NUBPL: variants seen among roughly 807,000 people sequenced by gnomAD.
NUBPL encodes the protein iron-sulfur cluster transfer protein NUBPL.
Under a neutral mutation model 45.7 loss-of-function variants are expected in NUBPL, and 31 were observed. The ratio of observed to expected loss-of-function variants is 0.68; its 90% confidence interval spans 0.51 to 0.92. The LOEUF is 0.92. Ranked by LOEUF, NUBPL falls within the 40% of genes least tolerant of loss-of-function variation. The pLI is 0.00. For missense variants in NUBPL, 401 were observed against 398.7 expected (o/e 1.01, Z -0.05); for synonymous variants, 144 against 140.9 (o/e 1.02, Z -0.15).
chr14:31,835,316 G>C (rs897442923), intron 8 of NUBPL, among the ~76,000 whole-genome samples: 2 of 152,114 alleles, frequency 1.3e-5, no homozygotes, highest in Non-Finnish European at 2.9e-5. Flanking sequence ...TCTCTATCTA[G>C]TTGTCATCTT....
chr14:31,702,162 A>C (rs1294787102), intron 6 of NUBPL, among the ~76,000 whole-genome samples: 1 of 152,184 alleles, frequency 6.6e-6, no homozygotes, highest in African/African-American at 2.4e-5. Flanking sequence ...CATAAGGTGG[A>C]GTCTGGGGAG....
chr14:31,760,605 A>C (rs997973802), intron 6 of NUBPL, among the ~76,000 whole-genome samples: 1 of 152,148 alleles, frequency 6.6e-6, no homozygotes, highest in Non-Finnish European at 1.5e-5. Context: ...TTCACTTAAC[A>C]TAATACCTTC....
chr14:31,622,347 C>T lies in NUBPL; in HGVS notation c.382+22968C>T, dbSNP rs150395431. Among the ~76,000 whole-genome samples, 569 of 152,144 alleles carry T rather than the reference C, an allele frequency of 3.7e-3. 18 individuals carry two copies. Among genetic ancestry groups the T allele is most frequent in the Admixed American group, 0.033 (499 of 15,276 alleles). ...TTGGAAATATTGCAGCCTGACCATACGGTAGGAAAGCAAAACTCGTTTTTT... is the reference window on the plus strand; with the variant it reads ...TTGGAAATATTGCAGCCTGACCATATGGTAGGAAAGCAAAACTCGTTTTTT... On this transcript the variant is annotated intron_variant, in intron 4 of 10. Transcript: ENST00000281081.
At chr14:31,760,144 T>TGTGTGAGAGAGAGAGAGAGAGA in intron 6 of NUBPL, among the ~76,000 whole-genome samples, 1 of 34,830 alleles carries the variant, frequency 2.9e-5, no homozygotes, top group African/African-American at 1.1e-4. Flanking sequence ...TGTGTGTGTG[T>TGTGTGAGAGAGAGAGAGAGAGA]GAGAGAGAGA....
chr14:31,583,345 G>A (rs1219381361), intron 3 of NUBPL, among the ~76,000 whole-genome samples: 1 of 152,160 alleles, frequency 6.6e-6, no homozygotes, highest in Non-Finnish European at 1.5e-5. Context: ...GTGGTTTTAT[G>A]ATTTAGAGGA....
At chr14:31,596,281 A>C (rs577807225) in intron 3 of NUBPL, among the ~76,000 whole-genome samples, 19 of 152,156 alleles carry the variant, frequency 1.2e-4, no homozygotes, top group Non-Finnish European at 2.5e-4. Context: ...GTCTGAAAAG[A>C]GTGCTTTTTA....
chr14:31,820,240 A>G (rs1006551483), intron 7 of NUBPL, among the ~76,000 whole-genome samples: 2 of 152,088 alleles, frequency 1.3e-5, no homozygotes, highest in African/African-American at 4.8e-5. Context: ...AATTTATTGC[A>G]AACTAAACTT....
At chr14:31,694,462 G>A (rs2037169314) in intron 6 of NUBPL, among the ~76,000 whole-genome samples, 1 of 152,134 alleles carries the variant, frequency 6.6e-6, no homozygotes, top group Admixed American at 6.5e-5. Context: ...ACTTATTGCT[G>A]TACTTTAAAA....
Position 31,688,592 on chromosome 14 carries a change from GA to G in NUBPL, c.513+15034del, listed in dbSNP as rs544662104. ...GAGACTCCATCTCAAAGAAAAAAAA[GA>G]AAAAAAAAAAAAAAAGAAAATCTTT... On this transcript the variant is annotated intron_variant, in intron 6 of 10. Transcript: ENST00000281081. 4.1e-3 allele frequency among the ~76,000 whole-genome samples: 311 copies of G among 75,698 alleles called. 3 individuals carry two copies. Among genetic ancestry groups the G allele is most frequent in the East Asian group, 0.015 (31 of 2,022 alleles). The allele number at this position is 75,698 out of a possible 152,430, so 49.7% of individuals were successfully genotyped here.
At chr14:31,708,704 C>T (rs2037505953) in intron 6 of NUBPL, among the ~76,000 whole-genome samples, 2 of 152,132 alleles carry the variant, frequency 1.3e-5, no homozygotes, top group South Asian at 2.1e-4. Context: ...AATTTCCTGG[C>T]CCTCAATGGT....
rs2040702180 is a variant in NUBPL at position 31,860,852 on chromosome 14, G to T, written c.*1672G>T. The T allele has an allele frequency of 6.6e-6, 1 of 152,148 alleles. No homozygotes were observed. The highest frequency in any genetic ancestry group is 2.1e-4 in the South Asian group (1 of 4,828). 9.4% of individuals were successfully genotyped at this position (152,148 alleles called of 1,614,324 possible). Reference sequence around the variant, plus strand: ...GTACAGGCAGCAACTTATAATTCCAGAGAATTATGCTGAATGAAAAAGGCC... The same window carrying T: ...GTACAGGCAGCAACTTATAATTCCATAGAATTATGCTGAATGAAAAAGGCC... On this transcript the variant is annotated 3_prime_UTR_variant, in exon 11 of 11. Transcript: ENST00000281081.
chr14:31,774,273 G>A lies in NUBPL; in HGVS notation c.514-13507G>A, dbSNP rs549056851. Reference sequence around the variant, plus strand: ...TGGAGAAGTGTAAGTTGACCCTATGGTCCTTAGACTTGGCTTATGTAATGC... The same window carrying A: ...TGGAGAAGTGTAAGTTGACCCTATGATCCTTAGACTTGGCTTATGTAATGC... On this transcript the variant is annotated intron_variant, in intron 6 of 10. Transcript: ENST00000281081. Among the ~76,000 whole-genome samples the A allele has an allele frequency of 2.0e-5, 3 of 152,274 alleles. No individual in the cohort carries two copies. In the South Asian group the frequency reaches 6.2e-4, roughly 32 times the overall value.
intron 3 of NUBPL, among the ~76,000 whole-genome samples, chr14:31,592,847 A>G (rs962201826): frequency 4.6e-5 from 7 of 152,192 alleles, no homozygotes; most frequent in Non-Finnish European, 1.0e-4. Context: ...GGGATGTAAT[A>G]GGGAATCTCT....
chr14:31,689,674 C>T (rs192820057), intron 6 of NUBPL, among the ~76,000 whole-genome samples: 3 of 152,170 alleles, frequency 2.0e-5, no homozygotes, highest in South Asian at 2.1e-4. Context: ...TAATTAGATC[C>T]GCCTGTCAAT....
At chr14:31,724,735 A>T (rs1312502139) in intron 6 of NUBPL, among the ~76,000 whole-genome samples, 1 of 152,186 alleles carries the variant, frequency 6.6e-6, no homozygotes, top group East Asian at 1.9e-4. Flanking sequence ...TGAAACAAAG[A>T]CCTTTGTCTT....
chr14:31,817,768 C>T (rs2039945773), intron 7 of NUBPL, among the ~76,000 whole-genome samples: 1 of 152,190 alleles, frequency 6.6e-6, no homozygotes, highest in South Asian at 2.1e-4. Flanking sequence ...GGTAAAATAA[C>T]CAGCTAGCAT....
chr14:31,813,203 G>A (rs10132862), intron 7 of NUBPL, among the ~76,000 whole-genome samples: 23,995 of 151,776 alleles, frequency 0.16, 5,480 homozygotes, highest in African/African-American at 0.51. Context: ...TAGCCAGGAT[G>A]GTCTCAATCT....
intron 7 of NUBPL, among the ~76,000 whole-genome samples, chr14:31,818,401 C>T (rs139849449): frequency 1.3e-5 from 2 of 152,282 alleles, no homozygotes; most frequent in African/African-American, 4.8e-5. Flanking sequence ...GATTCTTAGC[C>T]TTCCAAAGTT....
chr14:31,763,387 C>T (rs1325246618), intron 6 of NUBPL, among the ~76,000 whole-genome samples: 56 of 152,262 alleles, frequency 3.7e-4, no homozygotes, highest in Non-Finnish European at 2.9e-5. Context: ...AAGTATGGCT[C>T]TATTGTTAAT....
Sources: gnomAD v4.1 joint callset for allele counts (sites outside exome capture counted in the v4.1 genomes callset) on GRCh38, gnomAD v4.1.1 for gene constraint, MANE v1.5 for transcripts, NCBI Gene and HGNC (gene_info 2026-07-23, HGNC 2026-07-21) for gene names.